The following DNAH7 variants were observed in gnomAD, a reference collection of about 807,000 sequenced individuals.
The protein encoded by DNAH7 is axonemal beta dynein heavy chain 7.
Under a neutral mutation model 444.6 loss-of-function variants are expected in DNAH7, and 397 were observed. The ratio of observed to expected loss-of-function variants is 0.89; its 90% CI spans 0.82 to 0.97. The LOEUF is 0.97. Ranked by LOEUF, DNAH7 falls within the 50% of genes least tolerant of loss-of-function variation. DNAH7 has a pLI of 0.00. For synonymous variants in DNAH7, 1,636 were observed against 1,624.4 expected (o/e 1.01, Z -0.17); for missense variants, 4,902 against 4,800.8 (o/e 1.02, Z -0.62).
At chr2:195,989,148 G>C (rs1018925799) in intron 12 of DNAH7, among the ~76,000 whole-genome samples, 3 of 152,170 alleles carry the variant, frequency 2.0e-5, no homozygotes, top group Non-Finnish European at 4.4e-5. Context: ...TAATAAACAT[G>C]GGAGTGCAAA....
chr2:195,799,716 T>C (rs1696357092), intron 54 of DNAH7, among the ~76,000 whole-genome samples: 1 of 152,152 alleles, frequency 6.6e-6, no homozygotes, highest in Non-Finnish European at 1.5e-5. Context: ...ACTTTTTTTG[T>C]CCCCTTGAAA....
chr2:195,980,969 T>C (rs1030359413), intron 15 of DNAH7, among the ~76,000 whole-genome samples: 1 of 152,192 alleles, frequency 6.6e-6, no homozygotes, highest in African/African-American at 2.4e-5. Context: ...CCACTGTGAT[T>C]CAACATAGTA....
chr2:195,817,953 T>C, intron 49 of DNAH7, 124 bp from the exon 50 acceptor site: 1 of 639,196 alleles, frequency 1.6e-6, no homozygotes, highest in Non-Finnish European at 2.4e-6. Context: ...CTTGTGAAGG[T>C]GTAATTTGTA....
chr2:195,970,572 A>C (rs1048508590), intron 16 of DNAH7, among the ~76,000 whole-genome samples: 7 of 152,180 alleles, frequency 4.6e-5, no homozygotes, highest in African/African-American at 1.7e-4. Context: ...AAGATATTCC[A>C]AGGTTATTTT....
chr2:195,807,310 C>T (rs914405529), intron 53 of DNAH7, among the ~76,000 whole-genome samples: 6 of 152,032 alleles, frequency 3.9e-5, no homozygotes, highest in Non-Finnish European at 7.4e-5. Flanking sequence ...TGGTGCACCA[C>T]CATACCCAGC....
chr2:195,787,559 G>A (rs1695683033), intron 57 of DNAH7, among the ~76,000 whole-genome samples: 1 of 152,122 alleles, frequency 6.6e-6, no homozygotes, highest in South Asian at 2.1e-4. Flanking sequence ...ACCGATTAGA[G>A]GTCTCTAAAA....
chr2:195,907,760 T>A (rs1687119107), intron 25 of DNAH7, among the ~76,000 whole-genome samples: 1 of 152,060 alleles, frequency 6.6e-6, no homozygotes, highest in Admixed American at 6.6e-5. Context: ...GCCACACAGA[T>A]TATAGCAGCT....
chr2:196,026,387 T>C (rs1695690053), intron 7 of DNAH7, among the ~76,000 whole-genome samples: 1 of 152,158 alleles, frequency 6.6e-6, no homozygotes, highest in South Asian at 2.1e-4. Flanking sequence ...GTATGTCTTG[T>C]CTCATGTCTA....
chr2:195,884,528 G>A, intron 35 of DNAH7, 57 bp downstream of exon 35: 1 of 1,299,866 alleles, frequency 7.7e-7, no homozygotes, highest in Non-Finnish European at 1.1e-6. Context: ...TATGCTATGT[G>A]TCAGAGAGGG....
intron 40 of DNAH7, 80 bp from the exon 41 acceptor site, chr2:195,865,101 G>A (rs2125097708): frequency 7.3e-7 from 1 of 1,369,044 alleles, no homozygotes; most frequent in Non-Finnish European, 9.7e-7. Flanking sequence ...GCTAATCTCA[G>A]GTAATAAAAA....
At chr2:195,888,575 T>C (rs1701840249) in intron 32 of DNAH7, 141 bp from the exon 33 acceptor site, 2 of 1,032,460 alleles carry the variant, frequency 1.9e-6, no homozygotes, top group Non-Finnish European at 2.7e-6. Flanking sequence ...GATGTCGATT[T>C]TTGTGTCTGA....
Position 195,888,405 on chromosome 2 carries a change from C to A in DNAH7, c.5259G>T (p.Glu1753Asp). Residue 1753 changes from glutamate to aspartate, a missense_variant, in exon 33 of 65, where the codon GAG (glutamate) becomes GAT (aspartate). Coordinates refer to ENST00000312428, the MANE Select transcript of DNAH7 (RefSeq NM_018897.3). ...GTGGTCTCCAGCCTAACATGTGAGG[C>A]TCCATGTAAATCATGCCACATCTGG... ...TVSRCGMIYM[E>D]PHMLGWRPLM... 6.3e-7 allele frequency: 1 copy of A among 1,598,128 alleles called. No homozygotes were observed. The highest frequency in any genetic ancestry group is 1.1e-5 in the South Asian group (1 of 87,266).
intron 53 of DNAH7, among the ~76,000 whole-genome samples, chr2:195,807,064 C>T (rs937435682): frequency 6.6e-6 from 1 of 151,960 alleles, no homozygotes; most frequent in Non-Finnish European, 1.5e-5. Context: ...TCGACATGAA[C>T]ACTAATAAAC....
chr2:196,024,656 A>G (rs971294170), intron 7 of DNAH7, 152 bp from the exon 8 acceptor site: 1 of 460,230 alleles, frequency 2.2e-6, no homozygotes, highest in Admixed American at 4.2e-5. Context: ...TGAGGAGAAG[A>G]AAATTTTTAA....
At chr2:195,827,132 G>C (rs1697801383) in intron 48 of DNAH7, among the ~76,000 whole-genome samples, 1 of 152,144 alleles carries the variant, frequency 6.6e-6, no homozygotes, top group African/African-American at 2.4e-5. Flanking sequence ...ATGTAACACA[G>C]GGGTGCTGAT....
Position 195,907,150 on chromosome 2 carries a change from T to C in DNAH7, c.4105-141A>G, listed in dbSNP as rs372650269. 1.3e-4 allele frequency: 80 copies of C among 611,426 alleles called. No individual in the cohort carries two copies. In the African/African-American group the frequency reaches 1.4e-3, roughly 11 times the overall value. The allele number at this position is 611,426 out of a possible 1,614,324, so 37.9% of individuals were successfully genotyped here. ...ATTCGCCTTTATCTTTAAAGGCAGC[T>C]GATTTTTTCATTATCAATTCATTAT... On this transcript the variant is annotated intron_variant, in intron 25 of 64. Coordinates refer to ENST00000312428, the MANE Select transcript of DNAH7 (RefSeq NM_018897.3).
At chr2:195,858,295 T>A (rs993386070) in intron 43 of DNAH7, among the ~76,000 whole-genome samples, 179 bp downstream of exon 43, 1 of 152,250 alleles carries the variant, frequency 6.6e-6, no homozygotes, top group Non-Finnish European at 1.5e-5. Flanking sequence ...TGTTTTTGCA[T>A]GCACATGCAT....
chr2:195,950,727 C>A (rs1005505051), intron 19 of DNAH7, among the ~76,000 whole-genome samples: 2 of 151,426 alleles, frequency 1.3e-5, no homozygotes, highest in African/African-American at 2.4e-5. Flanking sequence ...TGGCGGGTGC[C>A]TGTAGTCCCA....
chr2:195,922,300 G>A (rs866436010), intron 23 of DNAH7, 103 bp from the exon 24 acceptor site: 1 of 656,376 alleles, frequency 1.5e-6, no homozygotes, highest in African/African-American at 1.8e-5. Context: ...CATCTTTAAA[G>A]TTCACTTTTC....
Sources: allele counts gnomAD v4.1 joint callset (sites outside exome capture counted in the v4.1 genomes callset), GRCh38; gene constraint gnomAD v4.1.1; transcripts MANE v1.5; gene names NCBI Gene and HGNC (gene_info 2026-07-23, HGNC 2026-07-21).